TRMT2A: variants seen among roughly 807,000 people sequenced by gnomAD.
The protein encoded by TRMT2A is tRNA (uracil-5-)-methyltransferase homolog A.
TRMT2A carries 60 observed loss-of-function variants against 59.3 expected under a neutral mutation model. The ratio of observed to expected loss-of-function variants is 1.01; its 90% CI spans 0.82 to 1.26. The LOEUF (loss-of-function observed/expected upper bound fraction) is 1.26, where lower values mean the gene tolerates loss of function less well. Ranked by LOEUF, TRMT2A falls within the 50% of genes most tolerant of loss-of-function variation. The pLI is 0.00. For synonymous variants in TRMT2A, 403 were observed against 353.7 expected (o/e 1.14, Z -1.56); for missense variants, 863 against 845.2 (o/e 1.02, Z -0.26).
chr22:20,113,404 C>CCCCCCCCCCCCCGCCCGG, intron 9 of TRMT2A, 28 bp downstream of exon 9: 4 of 1,511,268 alleles, frequency 2.6e-6, no homozygotes, highest in South Asian at 2.3e-5. Context: ...CCCCCATCCC[C>CCCCCCCCCCCCCGCCCGG]ACCCCCACCC....
chr22:20,116,700 C>A (rs2050034246), intron 1 of TRMT2A, 88 bp from the exon 2 acceptor site: 1 of 1,460,524 alleles, frequency 6.8e-7, no homozygotes, highest in Non-Finnish European at 9.1e-7. Context: ...CCCAGACCTC[C>A]GTCGGTGCAC....
At chr22:20,114,351 C>T (rs548960075) in intron 7 of TRMT2A, among the ~76,000 whole-genome samples, 81 of 152,280 alleles carry the variant, frequency 5.3e-4, no homozygotes, top group East Asian at 1.7e-3. Flanking sequence ...AGGGCCACTC[C>T]TCATCCTCCC....
Position 20,112,553 on chromosome 22 carries a change from G to A in TRMT2A, c.*10C>T. On this transcript the variant is annotated 3_prime_UTR_variant, in exon 12 of 12. Coordinates refer to ENST00000252136, the MANE Select transcript of TRMT2A (RefSeq NM_022727.6). ...CCCTTCAGCTCCTGTCCCCATAATG[G>A]GTCCTGGGCCTAGGATGAGGGGAAG... 4 of 1,612,224 alleles carry A rather than the reference G, an allele frequency of 2.5e-6. No homozygotes were observed. The highest frequency in any genetic ancestry group is 3.4e-6 in the Non-Finnish European group (4 of 1,179,016).
Position 20,115,279 on chromosome 22 carries a change from G to A in TRMT2A, c.877C>T (p.Gln293Ter). Reference protein sequence around the residue: ...EATKQVVKAFQEFIRSTPYSA... With the variant: ...EATKQVVKAF Reference sequence around the variant, plus strand: ...ACAGGTCCTCACCGGATGAACTCCTGGAAGGCCTTCACCACCTGCTTGGTG... The same window carrying A: ...ACAGGTCCTCACCGGATGAACTCCTAGAAGGCCTTCACCACCTGCTTGGTG... The change falls in exon 4 of 12, where the codon CAG (glutamine) becomes TAG (stop). Residue 293 changes from glutamine to a stop codon, truncating the protein, a stop_gained. Transcript: ENST00000252136. LOFTEE classifies it high-confidence loss of function. 3.1e-6 allele frequency: 5 copies of A among 1,612,144 alleles called. No individual in the cohort carries two copies. The highest frequency in any genetic ancestry group is 4.2e-6 in the Non-Finnish European group (5 of 1,179,306).
At position 20,112,406 on chromosome 22, in the gene TRMT2A, G is replaced by A; in HGVS notation, c.*157C>T. ...GAACCCACCTGTCTTCCTGGTCAGG[G>A]CCCCTGGCCCCTAGCAGCAGGCCAA... On this transcript the variant is annotated 3_prime_UTR_variant, in exon 12 of 12. Coordinates refer to ENST00000252136, the MANE Select transcript of TRMT2A (RefSeq NM_022727.6). 1.0e-6 allele frequency: 1 copy of A among 993,126 alleles called. No individual in the cohort carries two copies. The highest frequency in any genetic ancestry group is 1.5e-6 in the Non-Finnish European group (1 of 686,198). 61.5% of individuals were successfully genotyped at this position (993,126 alleles called of 1,614,324 possible).
At position 20,114,964 on chromosome 22, in the gene TRMT2A, C is replaced by A. The variant is rs932109562; in HGVS notation, c.1005+1G>T. On this transcript the variant is annotated splice_donor_variant, in intron 5 of 11. Transcript: ENST00000252136. LOFTEE classifies it high-confidence loss of function. ...TCCCCCAGCAGGGCCCCCGTTGAGA[C>A]CTGGGGGTGGAAGTAGGCAATGGCC... 1.3e-6 allele frequency: 2 copies of A among 1,587,924 alleles called. No individual in the cohort carries two copies. The highest frequency in any genetic ancestry group is 1.7e-6 in the Non-Finnish European group (2 of 1,168,582).
intron 2 of TRMT2A, 93 bp downstream of exon 2, chr22:20,115,945 G>T: frequency 6.8e-7 from 1 of 1,461,856 alleles, no homozygotes; most frequent in Non-Finnish European, 9.2e-7. Flanking sequence ...GCCAGATCCT[G>T]TGCTGGGCCT....
At chr22:20,116,697 C>G (rs1213964108) in intron 1 of TRMT2A, 85 bp from the exon 2 acceptor site, 1 of 1,469,282 alleles carries the variant, frequency 6.8e-7, no homozygotes, top group African/African-American at 1.4e-5. Context: ...ACACCCAGAC[C>G]TCCGTCGGTG....
In TRMT2A at chr22:20,114,876, T is replaced by A; in HGVS notation, c.1006A>T (p.Lys336Ter). ...TCTGCCAGCTCCTCAGGGCTCAGCT[T>A]CTGGAGTAAGTGGTGAAAAGTTCCC... ...AMAIAYFHPQ[K>*]LSPEELAELK... is the part of the protein sequence containing the mutation. Residue 336 changes from lysine to a stop codon, truncating the protein, a stop_gained and splice_region_variant, in exon 6 of 12, where the codon AAG (lysine) becomes TAG (stop). Transcript: ENST00000252136. LOFTEE classifies it high-confidence loss of function. 2 of 1,588,076 alleles carry A rather than the reference T, an allele frequency of 1.3e-6. No homozygotes were observed. Among genetic ancestry groups the A allele is most frequent in the Non-Finnish European group, 1.7e-6 (2 of 1,168,532 alleles).
In TRMT2A at chr22:20,112,495, G is replaced by A. The variant is rs1292637285; in HGVS notation, c.*68C>T. 6 of 1,537,464 alleles carry A rather than the reference G, an allele frequency of 3.9e-6. No individual in the cohort carries two copies. The highest frequency in any genetic ancestry group is 2.3e-5 in the East Asian group (1 of 43,236). ...TACCTCTGAATATCCTGGCCAGCAA[G>A]CCATGCCTTCCCCGCCCCTGGGGCC... On this transcript the variant is annotated 3_prime_UTR_variant, in exon 12 of 12. Coordinates refer to ENST00000252136, the MANE Select transcript of TRMT2A (RefSeq NM_022727.6).
chr22:20,113,399 A>AGACCCCC, intron 9 of TRMT2A, 33 bp downstream of exon 9: 2 of 713,636 alleles, frequency 2.8e-6, no homozygotes, highest in Non-Finnish European at 2.4e-6. Context: ...GGCTGCCCCC[A>AGACCCCC]TCCCCACCCC....
rs780854726 is a variant in TRMT2A, at chr22:20,112,514, T to C, written c.*49A>G. On this transcript the variant is annotated 3_prime_UTR_variant, in exon 12 of 12. Transcript: ENST00000252136. ...CAGCAAGCCATGCCTTCCCCGCCCCTGGGGCCCTGGGAGCCCTTCAGCTCC... is the reference window on the plus strand; with the variant it reads ...CAGCAAGCCATGCCTTCCCCGCCCCCGGGGCCCTGGGAGCCCTTCAGCTCC... 2.5e-6 allele frequency: 4 copies of C among 1,581,326 alleles called. No individual in the cohort carries two copies.
chr22:20,115,227 C>T (rs2073777), intron 4 of TRMT2A, 39 bp downstream of exon 4: 232,910 of 1,594,046 alleles, frequency 0.15, 23,210 homozygotes, highest in East Asian at 0.49. Flanking sequence ...GCTCCCACAC[C>T]GCATAGGACT....
At chr22:20,116,692 C>A in intron 1 of TRMT2A, 80 bp from the exon 2 acceptor site, 3 of 1,479,562 alleles carry the variant, frequency 2.0e-6, no homozygotes, top group East Asian at 2.4e-5. Flanking sequence ...ATGGGACACC[C>A]AGACCTCCGT....
intron 7 of TRMT2A, 78 bp downstream of exon 7, chr22:20,114,496 C>G (rs2049945753): frequency 4.1e-6 from 5 of 1,208,396 alleles, no homozygotes; most frequent in Non-Finnish European, 6.2e-6. Flanking sequence ...CGCCTGAGCC[C>G]ACTGTTCCCA....
At position 20,116,941 on chromosome 22, in the gene TRMT2A, C is replaced by CA. The variant is rs761775765; in HGVS notation, c.-36dup. The stretch of plus-strand genomic sequence containing the variant: ...GGTTCTCCGCCTAGACCAGGGACGC[C>CA]ATGGGGGCCGCCTGGCCACCTCGTC... On this transcript the variant is annotated 5_prime_UTR_variant, in exon 1 of 12. An upstream start codon of the reference 5' UTR is lost. Coordinates refer to ENST00000252136, the MANE Select transcript of TRMT2A (RefSeq NM_022727.6). 1 of 1,578,588 alleles carries CA rather than the reference C, an allele frequency of 6.3e-7. No homozygotes were observed. Among genetic ancestry groups the CA allele is most frequent in the Admixed American group, 1.8e-5 (1 of 56,206 alleles).
rs754032519 is a variant in TRMT2A at position 20,116,654 on chromosome 22, C to T, written c.25-42G>A. On this transcript the variant is annotated intron_variant, in intron 1 of 11. Transcript: ENST00000252136. ...GGGGTGCTAGGGTGAGGACTAGGCCCTGGGGGCCTGGCCCCCCAAGCTTCC... is the reference window on the plus strand; with the variant it reads ...GGGGTGCTAGGGTGAGGACTAGGCCTTGGGGGCCTGGCCCCCCAAGCTTCC... 1.6e-5 allele frequency: 24 copies of T among 1,512,258 alleles called. No individual in the cohort carries two copies. The South Asian group carries it at 2.9e-4, about 18-fold the overall frequency. The allele number at this position is 1,512,258 out of a possible 1,614,324, so 93.7% of individuals were successfully genotyped here.
At chr22:20,113,394 C>T (rs980569333) in intron 9 of TRMT2A, 38 bp downstream of exon 9, 3 of 1,508,554 alleles carry the variant, frequency 2.0e-6, no homozygotes, top group Admixed American at 1.8e-5. Flanking sequence ...GTGGCGGCTG[C>T]CCCCATCCCC....
At chr22:20,115,812 C>T (rs1369561945) in intron 2 of TRMT2A, 32 bp from the exon 3 acceptor site, 23 of 1,583,592 alleles carry the variant, frequency 1.5e-5, no homozygotes, top group Non-Finnish European at 1.9e-5. Flanking sequence ...GGTTGGACTC[C>T]ACCTACTGCC....
Sources: gnomAD v4.1 joint callset for allele counts (sites outside exome capture counted in the v4.1 genomes callset) on GRCh38, gnomAD v4.1.1 for gene constraint, MANE v1.5 for transcripts, NCBI Gene and HGNC (gene_info 2026-07-23, HGNC 2026-07-21) for gene names.